NRXN3: variants seen among roughly 807,000 people sequenced by gnomAD.
NRXN3 encodes the protein neurexin III.
NRXN3 carries 32 observed loss-of-function variants against 137.6 expected under a neutral mutation model. The ratio of observed to expected loss-of-function variants is 0.23; its 90% CI spans 0.18 to 0.31. NRXN3 has a LOEUF of 0.31. Ranked by LOEUF, NRXN3 falls within the 10% of genes least tolerant of loss-of-function variation. NRXN3 has a pLI of 1.00. For synonymous variants in NRXN3, 798 were observed against 784.5 expected, an observed-to-expected ratio of 1.02 and a Z score of -0.29; for missense variants, 1,574 against 2,062.5, an observed-to-expected ratio of 0.76 and a Z score of 4.59.
chr14:79,024,593 G>A (rs1182701322), intron 15 of NRXN3, among the ~76,000 whole-genome samples: 1 of 152,098 alleles, frequency 6.6e-6, no homozygotes, highest in Admixed American at 6.5e-5. Flanking sequence ...GCATTTAGGA[G>A]TTCAGAACAT....
chr14:79,863,071 T>C lies in NRXN3; in HGVS notation c.*1107T>C, dbSNP rs779664560. 12 of 152,564 alleles carry C rather than the reference T, an allele frequency of 7.9e-5. No individual in the cohort carries two copies. The highest frequency in any genetic ancestry group is 5.9e-4 in the Admixed American group (9 of 15,272). The allele number at this position is 152,564 out of a possible 1,614,324, so 9.5% of individuals were successfully genotyped here. On this transcript the variant is annotated 3_prime_UTR_variant, in exon 21 of 21. Coordinates refer to ENST00000335750, the MANE Select transcript of NRXN3 (RefSeq NM_001330195.2). ...AAACCAGACAGTAGGGGAGTTCAAC[T>C]CGTGATGGAACCACAAAAGGTCACA... is the stretch of plus-strand genomic sequence containing the variant.
At chr14:78,197,123 CTT>C (rs964732551) in intron 1 of NRXN3, among the ~76,000 whole-genome samples, 34 of 152,242 alleles carry the variant, frequency 2.2e-4, no homozygotes, top group African/African-American at 8.2e-4. Context: ...TTCTCCACCT[CTT>C]TCCTTTGAGC....
intron 16 of NRXN3, among the ~76,000 whole-genome samples, chr14:79,593,672 C>G (rs1235707454): frequency 6.8e-6 from 1 of 146,672 alleles, no homozygotes; most frequent in Non-Finnish European, 1.5e-5. Context: ...GAAAAACAAG[C>G]AAACACATGA....
intron 4 of NRXN3, among the ~76,000 whole-genome samples, chr14:78,591,031 G>A (rs1384688126): frequency 6.6e-6 from 1 of 152,108 alleles, no homozygotes; most frequent in Non-Finnish European, 1.5e-5. Flanking sequence ...AGAGGTGAGG[G>A]CACAGTGATG....
At chr14:79,554,952 AT>A (rs1206990271) in intron 16 of NRXN3, among the ~76,000 whole-genome samples, 1 of 152,116 alleles carries the variant, frequency 6.6e-6, no homozygotes, top group Non-Finnish European at 1.5e-5. Flanking sequence ...ATTCCCATGC[AT>A]GTGGAATAGC....
intron 4 of NRXN3, among the ~76,000 whole-genome samples, chr14:78,322,663 T>C (rs1446073929): frequency 2.0e-5 from 3 of 151,974 alleles, no homozygotes; most frequent in African/African-American, 7.3e-5. Flanking sequence ...CTTCACAGTT[T>C]GGCTAACCTC....
At chr14:78,831,726 G>A (rs1269281698) in intron 10 of NRXN3, among the ~76,000 whole-genome samples, 1 of 151,878 alleles carries the variant, frequency 6.6e-6, no homozygotes, top group Admixed American at 6.6e-5. Context: ...AAAAATCAAT[G>A]TAATTACCAT....
At chr14:78,979,235 C>T (rs2099481877) in intron 14 of NRXN3, among the ~76,000 whole-genome samples, 1 of 152,104 alleles carries the variant, frequency 6.6e-6, no homozygotes, top group South Asian at 2.1e-4. Flanking sequence ...GGTATCTGGG[C>T]ATCCCTTACC....
rs1447669099 is a variant in NRXN3, at chr14:79,637,726, G to GTTTTTTTTTTTTTTTTTTTTTTT, written c.3445-26050_3445-26049insTTTTTTTTTTTTTTTTTTTTTTT. On this transcript the variant is annotated intron_variant, in intron 16 of 20. Coordinates refer to ENST00000335750, the MANE Select transcript of NRXN3 (RefSeq NM_001330195.2). ...AGAAACTGATGTAAGATATAGAAAAGTTCTTTTTTTTTTTTTTTTTTGAGA... is the reference window on the plus strand; with the variant it reads ...AGAAACTGATGTAAGATATAGAAAAGTTTTTTTTTTTTTTTTTTTTTTTTTCTTTTTTTTTTTTTTTTTTGAGA... 7.5e-5 allele frequency among the ~76,000 whole-genome samples: 7 copies of GTTTTTTTTTTTTTTTTTTTTTTT among 92,984 alleles called. 1 individual carries two copies. The highest frequency in any genetic ancestry group is 1.7e-4 in the African/African-American group (2 of 11,688). The allele number at this position is 92,984 out of a possible 152,430, so 61.0% of individuals were successfully genotyped here.
chr14:78,895,008 A>G (rs1004962672), intron 10 of NRXN3, among the ~76,000 whole-genome samples: 5 of 151,766 alleles, frequency 3.3e-5, no homozygotes, highest in Non-Finnish European at 5.9e-5. Context: ...TTTACAGAGC[A>G]CAGGCAGAGT....
intron 15 of NRXN3, among the ~76,000 whole-genome samples, chr14:79,176,140 C>T (rs931246872): frequency 3.3e-5 from 5 of 152,192 alleles, no homozygotes; most frequent in Non-Finnish European, 5.9e-5. Flanking sequence ...AATATGTGAA[C>T]GAACCAACCA....
chr14:78,603,064 G>A (rs1468078453), intron 4 of NRXN3, among the ~76,000 whole-genome samples: 1 of 151,962 alleles, frequency 6.6e-6, no homozygotes, highest in African/African-American at 2.4e-5. Context: ...TTCTTTTTCT[G>A]AGAGGTAGTA....
chr14:78,714,612 C>A, intron 7 of NRXN3, 144 bp from the exon 8 acceptor site: 2 of 985,816 alleles, frequency 2.0e-6, no homozygotes. Context: ...ATTGTCTTTT[C>A]CATTGTCTTG....
chr14:78,823,542 A>G (rs995614779), intron 10 of NRXN3, among the ~76,000 whole-genome samples: 1 of 152,204 alleles, frequency 6.6e-6, no homozygotes, highest in Non-Finnish European at 1.5e-5. Flanking sequence ...TATCACAGTT[A>G]TATGCTGTAA....
chr14:78,492,402 G>T (rs942337678), intron 4 of NRXN3, among the ~76,000 whole-genome samples: 1 of 152,136 alleles, frequency 6.6e-6, no homozygotes, highest in Non-Finnish European at 1.5e-5. Flanking sequence ...AGCCTTCAAA[G>T]GAGTGTGTGA....
chr14:79,192,400 CAGGAGGTGT>C, intron 15 of NRXN3, among the ~76,000 whole-genome samples: 1 of 152,138 alleles, frequency 6.6e-6, no homozygotes, highest in East Asian at 1.9e-4. Flanking sequence ...GAGGAACCAT[CAGGAGGTGT>C]AGGTAATATG....
chr14:79,329,019 G>A (rs2091302870), intron 15 of NRXN3, among the ~76,000 whole-genome samples: 1 of 151,976 alleles, frequency 6.6e-6, no homozygotes, highest in African/African-American at 2.4e-5. Context: ...GAGTAAGAAA[G>A]GCTATAATTA....
intron 10 of NRXN3, among the ~76,000 whole-genome samples, chr14:78,939,299 G>A (rs1260119044): frequency 6.6e-6 from 1 of 152,176 alleles, no homozygotes; most frequent in Non-Finnish European, 1.5e-5. Context: ...ATTATAAATT[G>A]TTTATTAAAT....
rs145638474 is a variant in NRXN3 at position 79,176,183 on chromosome 14, T to G, written c.3262+188042T>G. ...AGGAACTGTACTGTTATAGCAATTCTTAACTGGAAGTTTTGTCTTCTGCCT... is the reference window on the plus strand; with the variant it reads ...AGGAACTGTACTGTTATAGCAATTCGTAACTGGAAGTTTTGTCTTCTGCCT... On this transcript the variant is annotated intron_variant, in intron 15 of 20. Transcript: ENST00000335750. Among the ~76,000 whole-genome samples the G allele has an allele frequency of 8.8e-3, 1,341 of 152,304 alleles. 38 individuals are homozygous for G. The highest frequency in any genetic ancestry group is 0.024 in the Middle Eastern group (7 of 294).
Sources: allele counts gnomAD v4.1 joint callset (sites outside exome capture counted in the v4.1 genomes callset), GRCh38; gene constraint gnomAD v4.1.1; transcripts MANE v1.5; gene names NCBI Gene and HGNC (gene_info 2026-07-23, HGNC 2026-07-21).